BACH1: variants seen among roughly 807,000 people sequenced by gnomAD.
The protein encoded by BACH1 is BTB domain and CNC homolog 1, also known as transcription regulator protein BACH1.
BACH1 carries 35 observed loss-of-function variants against 52.9 expected under a neutral mutation model. The observed-to-expected ratio is 0.66, with a 90% CI of 0.51 to 0.88. BACH1 has a LOEUF of 0.88. BACH1 is among the 40% of genes least tolerant of loss of function. The pLI is 0.00. For synonymous variants in BACH1, 321 were observed against 319.6 expected (o/e 1.00, Z -0.05); for missense variants, 808 against 872.6 (o/e 0.93, Z 0.93).
At chr21:29,328,292 A>G (rs1178795486) in intron 3 of BACH1, among the ~76,000 whole-genome samples, 1 of 152,178 alleles carries the variant, frequency 6.6e-6, no homozygotes, top group African/African-American at 2.4e-5. Flanking sequence ...CTTGATTTGT[A>G]TATTCTGTTT....
rs745439507 is a variant in BACH1 at position 29,321,276 on chromosome 21, G to A, written c.-5G>A. 1.2e-6 allele frequency: 2 copies of A among 1,607,720 alleles called. No homozygotes were observed. The highest frequency in any genetic ancestry group is 3.3e-4 in the Middle Eastern group (2 of 6,052). On this transcript the variant is annotated 5_prime_UTR_variant, in exon 2 of 5. It removes an upstream start codon present in the reference 5' UTR. Transcript: ENST00000286800. ...TGAACTTCCCGACAACATTTGTTAT[G>A]CAGAATGTCTCTGAGTGAGAACTCG...
At position 29,326,955 on chromosome 21, in the gene BACH1, A is replaced by G; in HGVS notation, c.1131A>G (p.Glu377=). 3.1e-6 allele frequency: 5 copies of G among 1,614,216 alleles called. No individual in the cohort carries two copies. The highest frequency in any genetic ancestry group is 2.7e-5 in the African/African-American group (2 of 75,068). The change falls in exon 3 of 5, where the codon GAA becomes GAG. Residue 377 remains glutamate, a synonymous_variant. Coordinates refer to ENST00000286800, the MANE Select transcript of BACH1 (RefSeq NM_001186.4). ...TGAAATCCGACTTGGGCACCAGGGA[A>G]GATAGTAGTGTTGCATCTAGTGATA... is the stretch of plus-strand genomic sequence containing the variant. ...LPLKSDLGTR[E]DSSVASSDRS...
rs529371392 is a variant in BACH1, at chr21:29,310,871, T to C, written c.-60-10350T>C. 2.3e-3 allele frequency among the ~76,000 whole-genome samples: 354 copies of C among 152,358 alleles called. 2 individuals are homozygous for C. The highest frequency in any genetic ancestry group is 4.0e-3 in the Non-Finnish European group (270 of 68,032). On this transcript the variant is annotated intron_variant, in intron 1 of 4. Transcript: ENST00000286800. The stretch of plus-strand genomic sequence containing the variant: ...AGAGAGGGAAGAGACAGTGTGAGTA[T>C]AAATGGTTCCTTTTGGAAATTCAGT...
intron 2 of BACH1, among the ~76,000 whole-genome samples, chr21:29,355,254 C>T (rs541319484): frequency 2.0e-5 from 3 of 150,498 alleles, no homozygotes; most frequent in East Asian, 1.9e-4. Context: ...CTGATTGGTC[C>T]GTTTTTACAG....
At chr21:29,313,605 A>G (rs1211963179) in intron 1 of BACH1, among the ~76,000 whole-genome samples, 2 of 152,324 alleles carry the variant, frequency 1.3e-5, no homozygotes, top group East Asian at 3.9e-4. Flanking sequence ...CATGTAATGG[A>G]GTGTTATTTT....
chr21:29,311,588 G>T (rs572891490), intron 1 of BACH1, among the ~76,000 whole-genome samples: 2 of 152,216 alleles, frequency 1.3e-5, no homozygotes, highest in East Asian at 1.9e-4. Context: ...ATCAACCTAA[G>T]ATATTATCTG....
chr21:29,351,996 T>G (rs548003723), intron 2 of BACH1, among the ~76,000 whole-genome samples: 1 of 151,422 alleles, frequency 6.6e-6, no homozygotes, highest in Admixed American at 6.6e-5. Flanking sequence ...CTTCAGAAAG[T>G]ACAGGAACTA....
chr21:29,342,845 C>T lies in BACH1; in HGVS notation c.*12C>T, dbSNP rs2089131412. On this transcript the variant is annotated 3_prime_UTR_variant, in exon 5 of 5. Transcript: ENST00000286800. ...CTACTGATGAGTAAACTTGCATTCA[C>T]TTCCTTCAAACCATCTAATTTTCTC... 3 of 1,562,976 alleles carry T rather than the reference C, an allele frequency of 1.9e-6. No homozygotes were observed. The highest frequency in any genetic ancestry group is 2.6e-6 in the Non-Finnish European group (3 of 1,151,002).
chr21:29,344,867 G>A lies in BACH1; in HGVS notation c.*2034G>A, dbSNP rs569828511. 4.6e-5 allele frequency: 7 copies of A among 152,710 alleles called. No homozygotes were observed. The highest frequency in any genetic ancestry group is 1.7e-4 in the African/African-American group (7 of 41,536). The allele number at this position is 152,710 out of a possible 1,614,324, so 9.5% of individuals were successfully genotyped here. A position where few individuals can be genotyped will look rare whatever the true frequency, so the allele number is the denominator to read the frequency against. ...TGTATCAGTTTGTGTATGTGCAAAT[G>A]TCAAATAATCTTTTGCTTTAATTGC... is the stretch of plus-strand genomic sequence containing the variant. On this transcript the variant is annotated 3_prime_UTR_variant, in exon 5 of 5. Transcript: ENST00000286800.
At chr21:29,307,244 C>G (rs2088668863) in intron 1 of BACH1, among the ~76,000 whole-genome samples, 1 of 152,182 alleles carries the variant, frequency 6.6e-6, no homozygotes, top group African/African-American at 2.4e-5. Context: ...GAAAGCTGTC[C>G]CGTAGTTAGC....
At chr21:29,359,269 A>C (rs1264996161) in intron 2 of BACH1, 1 of 151,812 alleles carries the variant, frequency 6.6e-6, no homozygotes, top group Non-Finnish European at 1.5e-5. Context: ...AGTAAAATCA[A>C]ATGTTTGACA....
At chr21:29,360,823 G>T (rs148074069) in intron 2 of BACH1, among the ~76,000 whole-genome samples, 1 of 144,164 alleles carries the variant, frequency 6.9e-6, no homozygotes, top group African/African-American at 2.6e-5. Flanking sequence ...CCAGACTGGG[G>T]CAACAGAGCA....
In BACH1 at chr21:29,327,443, G is replaced by A. The variant is rs758968799; in HGVS notation, c.1569+50G>A. 2.6e-6 allele frequency: 4 copies of A among 1,561,206 alleles called. No individual in the cohort carries two copies. The East Asian group carries it at 6.7e-5, about 26-fold the overall frequency. On this transcript the variant is annotated intron_variant, in intron 3 of 4. Transcript: ENST00000286800. ...CATTGTTTTAATAACCATTAATTGGGATTTACTGTGGATCAGCTCCCTTTG... is the reference window on the plus strand; with the variant it reads ...CATTGTTTTAATAACCATTAATTGGAATTTACTGTGGATCAGCTCCCTTTG...
rs374970714 is a variant in BACH1, at chr21:29,342,438, A to G, written c.1816A>G (p.Ile606Val). The G allele has an allele frequency of 1.9e-6, 3 of 1,614,138 alleles. No homozygotes were observed. The highest frequency in any genetic ancestry group is 1.3e-5 in the African/African-American group (1 of 75,036). ...GAGCTTGTTGAAGGAAAGAGATCAC[A>G]TTTTGTCAACTCTGGGTGAGACAAA... ...KESLLKERDHILSTLGETKQN... is the reference protein window; with the variant it reads ...KESLLKERDHVLSTLGETKQN... Residue 606 changes from isoleucine to valine, a missense_variant, in exon 5 of 5, where the codon ATT (isoleucine) becomes GTT (valine). By Grantham distance (29) the Ile-to-Val change is conservative (BLOSUM62 3). Transcript: ENST00000286800.
rs2088920300 is a variant in BACH1 at position 29,326,956 on chromosome 21, G to T, written c.1132G>T (p.Asp378Tyr). 1 of 1,614,132 alleles carries T rather than the reference G, an allele frequency of 6.2e-7. No individual in the cohort carries two copies. Among genetic ancestry groups the T allele is most frequent in the South Asian group, 1.1e-5 (1 of 91,092 alleles). Residue 378 changes from aspartate (D) to tyrosine (Y), a missense_variant, in exon 3 of 5, where the codon GAT becomes TAT. Coordinates refer to ENST00000286800, the MANE Select transcript of BACH1 (RefSeq NM_001186.4). Reference protein sequence around the residue: ...PLKSDLGTREDSSVASSDRSS... With the variant: ...PLKSDLGTREYSSVASSDRSS... The stretch of plus-strand genomic sequence containing the variant: ...GAAATCCGACTTGGGCACCAGGGAA[G>T]ATAGTAGTGTTGCATCTAGTGATAG...
rs541832561 is a variant in BACH1, at chr21:29,346,059, C to A, written c.*3226C>A. Reference sequence around the variant, plus strand: ...TTAATTTACATTTCTCCCTAATGTTCTTACCCAAATGTACCTGAACTAAAA... The same window carrying A: ...TTAATTTACATTTCTCCCTAATGTTATTACCCAAATGTACCTGAACTAAAA... On this transcript the variant is annotated 3_prime_UTR_variant, in exon 5 of 5. Transcript: ENST00000286800. 1.4e-4 allele frequency: 21 copies of A among 152,634 alleles called. No individual in the cohort carries two copies. In the South Asian group the frequency reaches 3.9e-3, roughly 29 times the overall value. The allele number at this position is 152,634 out of a possible 1,614,324, so 9.5% of individuals were successfully genotyped here.
chr21:29,322,331 T>C (rs2088858546), intron 2 of BACH1, among the ~76,000 whole-genome samples: 1 of 152,344 alleles, frequency 6.6e-6, no homozygotes, highest in East Asian at 1.9e-4. Flanking sequence ...TCTCCCCTTC[T>C]TTCTTGACTT....
intron 1 of BACH1, among the ~76,000 whole-genome samples, chr21:29,312,802 A>G (rs2088741042): frequency 6.6e-6 from 1 of 152,186 alleles, no homozygotes; most frequent in African/African-American, 2.4e-5. Context: ...CATATACTGG[A>G]GGACTCAGTT....
At chr21:29,319,084 G>A (rs1359552710) in intron 1 of BACH1, among the ~76,000 whole-genome samples, 2 of 152,296 alleles carry the variant, frequency 1.3e-5, no homozygotes, top group African/African-American at 4.8e-5. Flanking sequence ...GTAAAATTGG[G>A]ATGATAGAGG....
Sources: allele counts gnomAD v4.1 joint callset (sites outside exome capture counted in the v4.1 genomes callset), GRCh38; gene constraint gnomAD v4.1.1; transcripts MANE v1.5; gene names NCBI Gene and HGNC (gene_info 2026-07-23, HGNC 2026-07-21).